Variants in NRG1 observed in about 807,000 individuals in gnomAD.
The protein encoded by NRG1 is neuregulin 1.
In NRG1, 18 loss-of-function variants were observed where a neutral mutation model predicts 63.8. The observed-to-expected ratio is 0.28, with a 90% CI of 0.19 to 0.42. NRG1 has a LOEUF of 0.42. NRG1 is among the 10% of genes least tolerant of loss of function. NRG1 has a pLI of 1.00. For synonymous variants in NRG1, 302 were observed against 301.3 expected, an observed-to-expected ratio of 1.00 and a Z score of -0.02; for missense variants, 762 against 814.7, an observed-to-expected ratio of 0.94 and a Z score of 0.79.
intron 1 of NRG1, among the ~76,000 whole-genome samples, chr8:32,314,662 G>A (rs776705788): frequency 2.0e-5 from 3 of 152,088 alleles, no homozygotes; most frequent in Admixed American, 6.5e-5. Context: ...CTTCATAATA[G>A]AAATGCTAAA....
chr8:31,981,373 C>G (rs1451921271), intron 1 of NRG1, among the ~76,000 whole-genome samples: 1 of 151,934 alleles, frequency 6.6e-6, no homozygotes. Flanking sequence ...ATAATCAGAG[C>G]AACTTGAATC....
intron 1 of NRG1, among the ~76,000 whole-genome samples, chr8:32,432,573 GCT>G (rs971684000): frequency 9.5e-4 from 144 of 152,172 alleles, no homozygotes; most frequent in African/African-American, 3.0e-3. Flanking sequence ...GAGTTCAGTG[GCT>G]CTCAGCTCAC....
chr8:32,582,976 G>A lies in NRG1; in HGVS notation c.101-12852G>A, dbSNP rs867203241. Among the ~76,000 whole-genome samples, 6 of 152,210 alleles carry A rather than the reference G, an allele frequency of 3.9e-5. No homozygotes were observed. The South Asian group carries it at 8.3e-4, about 21-fold the overall frequency. On this transcript the variant is annotated intron_variant, in intron 1 of 11. Transcript: ENST00000356819. ...AGTCTGTATGATTCTATAATGTTTA[G>A]TGTATTCCTTTATATTGGCTGCCCT...
At chr8:31,654,454 A>C (rs1179161156) in intron 1 of NRG1, among the ~76,000 whole-genome samples, 1 of 152,238 alleles carries the variant, frequency 6.6e-6, no homozygotes, top group Non-Finnish European at 1.5e-5. Flanking sequence ...ATACTTGTGA[A>C]TTATGTGTAA....
At chr8:31,816,036 G>A (rs761485601) in intron 1 of NRG1, among the ~76,000 whole-genome samples, 2 of 152,010 alleles carry the variant, frequency 1.3e-5, no homozygotes, top group Non-Finnish European at 2.9e-5. Flanking sequence ...TGAATTTTAG[G>A]AGTTCTCTAT....
intron 1 of NRG1, among the ~76,000 whole-genome samples, chr8:31,771,468 T>A (rs903153057): frequency 6.6e-6 from 1 of 152,178 alleles, no homozygotes; most frequent in Non-Finnish European, 1.5e-5. Flanking sequence ...AATCTGAAAG[T>A]GTATCTGTAT....
intron 1 of NRG1, among the ~76,000 whole-genome samples, chr8:32,572,592 T>C (rs1323144303): frequency 6.6e-6 from 1 of 152,180 alleles, no homozygotes; most frequent in Non-Finnish European, 1.5e-5. Context: ...CATTGATAGT[T>C]ATAAAGACCA....
At chr8:32,397,152 A>G (rs1812540020) in intron 1 of NRG1, among the ~76,000 whole-genome samples, 1 of 151,986 alleles carries the variant, frequency 6.6e-6, no homozygotes, top group South Asian at 2.1e-4. Flanking sequence ...AGATACATAG[A>G]TAGATAATCT....
chr8:32,411,015 A>G (rs1814855608), intron 1 of NRG1, among the ~76,000 whole-genome samples: 1 of 151,950 alleles, frequency 6.6e-6, no homozygotes, highest in Non-Finnish European at 1.5e-5. Context: ...AGCTAGGACT[A>G]CAGGCACGCA....
intron 7 of NRG1, among the ~76,000 whole-genome samples, chr8:32,773,030 T>C (rs537510752): frequency 6.6e-6 from 1 of 152,298 alleles, no homozygotes; most frequent in East Asian, 1.9e-4. Context: ...TTCCCAGCTC[T>C]TCCCTTCACT....
At chr8:32,564,762 T>A (rs2129527549) in intron 1 of NRG1, among the ~76,000 whole-genome samples, 1 of 152,282 alleles carries the variant, frequency 6.6e-6, no homozygotes, top group South Asian at 2.1e-4. Context: ...CTGGAGGCTT[T>A]GAAGATTTTG....
chr8:32,078,229 T>G (rs1826908193), intron 1 of NRG1, among the ~76,000 whole-genome samples: 1 of 152,180 alleles, frequency 6.6e-6, no homozygotes, highest in Admixed American at 6.5e-5. Flanking sequence ...GAGTTCTTAC[T>G]CTGTTAGTTC....
chr8:31,673,332 C>T (rs928854492), intron 1 of NRG1, among the ~76,000 whole-genome samples: 2 of 152,106 alleles, frequency 1.3e-5, no homozygotes, highest in African/African-American at 4.8e-5. Context: ...TCTTGCTGGC[C>T]ACGTGGTCCT....
At chr8:32,124,116 CAT>C (rs1833806805) in intron 1 of NRG1, among the ~76,000 whole-genome samples, 1 of 151,944 alleles carries the variant, frequency 6.6e-6, no homozygotes, top group Non-Finnish European at 1.5e-5. Context: ...GCATAAATGA[CAT>C]GTGACAACCT....
chr8:31,915,886 A>G (rs757294829), intron 1 of NRG1, among the ~76,000 whole-genome samples: 2 of 152,080 alleles, frequency 1.3e-5, no homozygotes, highest in Non-Finnish European at 2.9e-5. Context: ...GTAAGAAATT[A>G]TTTTTTAAGA....
intron 1 of NRG1, among the ~76,000 whole-genome samples, chr8:32,246,221 GT>G (rs1288219817): frequency 6.6e-6 from 1 of 152,152 alleles, no homozygotes; most frequent in African/African-American, 2.4e-5. Flanking sequence ...ATTGTTATGA[GT>G]TTCAGTTAGT....
chr8:32,512,542 G>T (rs1829338063), intron 1 of NRG1, among the ~76,000 whole-genome samples: 1 of 152,142 alleles, frequency 6.6e-6, no homozygotes. Context: ...TCTTCTAAGT[G>T]CCATTATCTC....
intron 1 of NRG1, among the ~76,000 whole-genome samples, chr8:32,139,853 C>G (rs191326060): frequency 9.9e-5 from 15 of 152,240 alleles, no homozygotes; most frequent in Admixed American, 7.2e-4. Flanking sequence ...CAATAAGACC[C>G]ATGTAGCTGA....
rs533632303 is a variant in NRG1 at position 31,810,661 on chromosome 8, A to G, written c.37+171230A>G. Among the ~76,000 whole-genome samples, 4 of 152,300 alleles carry G rather than the reference A, an allele frequency of 2.6e-5. No individual in the cohort carries two copies. The South Asian group carries it at 8.3e-4, about 32-fold the overall frequency. On this transcript the variant is annotated intron_variant, in intron 1 of 10. Coordinates refer to the NRG1 transcript ENST00000519301. The stretch of plus-strand genomic sequence containing the variant: ...AGAAAAGGATTGCTCTCATCCAGTT[A>G]TCATCCACTGTCCCTCTTTATCCCT...
Sources: allele counts gnomAD v4.1 joint callset (sites outside exome capture counted in the v4.1 genomes callset), GRCh38; gene constraint gnomAD v4.1.1; transcripts MANE v1.5; gene names NCBI Gene and HGNC (gene_info 2026-07-23, HGNC 2026-07-21).